Variants in GLI2 observed in about 807,000 individuals in gnomAD.
GLI2 encodes GLI family zinc finger 2.
GLI2 carries 22 observed loss-of-function variants against 78.9 expected under a neutral mutation model. The ratio of observed to expected loss-of-function variants is 0.28; its 90% CI spans 0.20 to 0.40. GLI2 has a LOEUF of 0.40. Among genes scored for constraint, GLI2 ranks in the 10% least tolerant of loss-of-function variants. The probability of loss-of-function intolerance (pLI) is 1.00; values close to 1 mark genes in which losing one functional copy is unlikely to be tolerated. For synonymous variants in GLI2, 974 were observed against 963.7 expected (o/e 1.01, Z -0.20); for missense variants, 2,097 against 2,213.2 (o/e 0.95, Z 1.05).
At chr2:120,824,668 CA>C in intron 2 of GLI2, among the ~76,000 whole-genome samples, 1 of 152,318 alleles carries the variant, frequency 6.6e-6, no homozygotes, top group African/African-American at 2.4e-5. Flanking sequence ...TCATTTACCC[CA>C]AATGACACAG....
At chr2:120,832,355 C>G (rs904174428) in intron 2 of GLI2, among the ~76,000 whole-genome samples, 2 of 152,126 alleles carry the variant, frequency 1.3e-5, no homozygotes, top group African/African-American at 2.4e-5. Context: ...AAAGGAGGTG[C>G]TAGGAAGGGT....
chr2:120,820,768 G>T (rs907687960), intron 2 of GLI2, among the ~76,000 whole-genome samples: 8 of 152,160 alleles, frequency 5.3e-5, no homozygotes, highest in African/African-American at 1.9e-4. Flanking sequence ...GAAGGGGACT[G>T]ACTTCTTTAA....
chr2:120,921,692 C>T (rs1679387904), intron 2 of GLI2, among the ~76,000 whole-genome samples: 1 of 152,108 alleles, frequency 6.6e-6, no homozygotes, highest in Admixed American at 6.5e-5. Flanking sequence ...AGCACTGGAC[C>T]CTCCTTGTAC....
At chr2:120,767,291 G>C (rs989320483) in intron 1 of GLI2, among the ~76,000 whole-genome samples, 1 of 151,876 alleles carries the variant, frequency 6.6e-6, no homozygotes, top group Admixed American at 6.5e-5. Flanking sequence ...ACAGCTGAGT[G>C]AGAGGCCGGG....
chr2:120,785,436 A>G (rs1389918194), intron 1 of GLI2, among the ~76,000 whole-genome samples: 3 of 152,162 alleles, frequency 2.0e-5, no homozygotes, highest in African/African-American at 7.2e-5. Flanking sequence ...AGGCTGGCAG[A>G]GGCACAGACA....
intron 1 of GLI2, among the ~76,000 whole-genome samples, chr2:120,745,093 A>G (rs1440239866): frequency 1.3e-5 from 2 of 152,334 alleles, no homozygotes; most frequent in South Asian, 4.1e-4. Flanking sequence ...GCTCTAGAGC[A>G]GGGTCTCTCT....
chr2:120,978,013 C>T (rs550994104), intron 9 of GLI2, among the ~76,000 whole-genome samples: 10 of 152,366 alleles, frequency 6.6e-5, no homozygotes, highest in African/African-American at 2.2e-4. Context: ...ACGTTTGCCT[C>T]GCTGCGGTTA....
intron 2 of GLI2, among the ~76,000 whole-genome samples, chr2:120,802,654 C>T (rs1684756862): frequency 6.6e-6 from 1 of 152,166 alleles, no homozygotes; most frequent in Non-Finnish European, 1.5e-5. Context: ...GCACCAGGGA[C>T]TACTATTCAG....
At chr2:120,902,017 T>C (rs1268124054) in intron 2 of GLI2, among the ~76,000 whole-genome samples, 1 of 152,102 alleles carries the variant, frequency 6.6e-6, no homozygotes, top group Non-Finnish European at 1.5e-5. Flanking sequence ...ATTTGGCAGT[T>C]GCGTGCTGGA....
intron 1 of GLI2, among the ~76,000 whole-genome samples, chr2:120,746,812 TA>T (rs983400514): frequency 7.9e-5 from 12 of 152,218 alleles, no homozygotes; most frequent in Admixed American, 7.2e-4. Context: ...TTTTTTAATA[TA>T]AAATTTTTTT....
chr2:120,927,245 C>T, intron 2 of GLI2, 116 bp from the exon 3 acceptor site: 1 of 807,690 alleles, frequency 1.2e-6, no homozygotes, highest in Non-Finnish European at 2.2e-6. Context: ...ACTGCGGAGC[C>T]CCTTGTCCTG....
intron 2 of GLI2, among the ~76,000 whole-genome samples, chr2:120,835,049 T>C (rs1686542629): frequency 6.6e-6 from 1 of 152,162 alleles, no homozygotes; most frequent in South Asian, 2.1e-4. Context: ...TTTTGATAAA[T>C]TGACTGGTTT....
chr2:120,803,163 C>T (rs748042275), intron 2 of GLI2, among the ~76,000 whole-genome samples: 2 of 152,242 alleles, frequency 1.3e-5, no homozygotes, highest in Non-Finnish European at 2.9e-5. Flanking sequence ...AGCTGTAACA[C>T]TGCCTCTCTT....
chr2:120,968,654 A>G (rs1297898614), intron 5 of GLI2, 60 bp from the exon 6 acceptor site: 1 of 1,107,542 alleles, frequency 9.0e-7, no homozygotes, highest in Non-Finnish European at 1.4e-6. Flanking sequence ...CCCCACCCAC[A>G]TGTCACCCCC....
intron 2 of GLI2, among the ~76,000 whole-genome samples, chr2:120,880,136 A>G (rs1049811650): frequency 6.6e-5 from 10 of 152,260 alleles, no homozygotes; most frequent in African/African-American, 2.2e-4. Context: ...TACTGGGGAA[A>G]GAAAGTTGTC....
At chr2:120,743,576 C>T (rs1352013752) in intron 1 of GLI2, among the ~76,000 whole-genome samples, 1 of 152,168 alleles carries the variant, frequency 6.6e-6, no homozygotes, top group Non-Finnish European at 1.5e-5. Flanking sequence ...TTATATATAC[C>T]ATCCTTCCCG....
Position 120,955,303 on chromosome 2 carries a change from C to A in GLI2, c.516C>A (p.Thr172=), listed in dbSNP as rs1325240604. 6.2e-7 allele frequency: 1 copy of A among 1,612,550 alleles called. No individual in the cohort carries two copies. The highest frequency in any genetic ancestry group is 1.1e-5 in the South Asian group (1 of 91,054). The change falls in exon 5 of 14, where the codon ACC becomes ACA. Residue 172 remains threonine, a synonymous_variant. Transcript: ENST00000361492. ...GLFGLPAPGT[T]PSDYYHQMTL... ...TTGGCCTTCCTGCTCCAGGCACCAC[C>A]CCCTCAGACTATTACCACCAGATGA...
At chr2:120,934,959 G>A (rs1002793150) in intron 3 of GLI2, among the ~76,000 whole-genome samples, 5 of 152,166 alleles carry the variant, frequency 3.3e-5, no homozygotes, top group African/African-American at 9.7e-5. Flanking sequence ...GTGTCATCCC[G>A]GGCCTTTATG....
intron 2 of GLI2, among the ~76,000 whole-genome samples, chr2:120,894,053 G>A (rs1677816752): frequency 6.6e-6 from 1 of 152,214 alleles, no homozygotes. Context: ...CAATGCCGAA[G>A]GCTGAGGCCC....
Sources: gnomAD v4.1 joint callset for allele counts (sites outside exome capture counted in the v4.1 genomes callset) on GRCh38, gnomAD v4.1.1 for gene constraint, MANE v1.5 for transcripts, NCBI Gene and HGNC (gene_info 2026-07-23, HGNC 2026-07-21) for gene names.